ZNF69: variants seen among roughly 807,000 people sequenced by gnomAD.
ZNF69 encodes ZNF3.
A neutral mutation model predicts 50.9 loss-of-function variants in ZNF69; 47 were observed. That is an observed-to-expected ratio of 0.92 (90% CI 0.73 to 1.18). The LOEUF is 1.18. Among genes scored for constraint, ZNF69 ranks in the 50% most tolerant of loss-of-function variants. ZNF69 has a pLI of 0.00. For missense variants in ZNF69, 717 were observed against 675.1 expected (o/e 1.06, Z -0.69); for synonymous variants, 216 against 223.1 (o/e 0.97, Z 0.29).
intron 1 of ZNF69, among the ~76,000 whole-genome samples, chr19:11,901,705 A>C (rs1972247575): frequency 6.6e-6 from 1 of 151,936 alleles, no homozygotes; most frequent in Admixed American, 6.6e-5. Flanking sequence ...AGTGGTCTCA[A>C]ACTGCCGACC....
downstream of ZNF69, among the ~76,000 whole-genome samples, chr19:11,907,199 G>C (rs1171555697): frequency 6.6e-6 from 1 of 152,214 alleles, no homozygotes; most frequent in Non-Finnish European, 1.5e-5. Flanking sequence ...ATCTATGTCT[G>C]ATTGGTGTAC....
At chr19:11,949,301 C>T in the ZNF69 span, 1 of 1,613,892 alleles carries the variant, frequency 6.2e-7, no homozygotes, top group Non-Finnish European at 8.5e-7. Context: ...TGTGGGAAAG[C>T]CTTCAGATCT....
At chr19:11,963,086 AGAGT>A in the ZNF69 span, among the ~76,000 whole-genome samples, 5 of 138,454 alleles carry the variant, frequency 3.6e-5, no homozygotes, top group Admixed American at 2.8e-4. Context: ...AGAGAGAGAG[AGAGT>A]GTGTGTGTGT....
downstream of ZNF69, among the ~76,000 whole-genome samples, chr19:11,919,236 A>G (rs1486456706): frequency 6.6e-6 from 1 of 151,898 alleles, no homozygotes; most frequent in East Asian, 1.9e-4. Flanking sequence ...CTAGATAATT[A>G]CAATACTTTT....
At position 11,905,752 on chromosome 19, in the gene ZNF69, C is replaced by G. The variant is rs760449743; in HGVS notation, c.1355C>G (p.Ala452Gly). The change falls in exon 4 of 4, where the codon GCC becomes GGC. Residue 452 changes from alanine (A) to glycine (G), a missense_variant. By Grantham distance (60) the Ala-to-Gly change is moderately conservative. Transcript: ENST00000429654. ...KPYECQECGK[A>G]FRSMKNLQSH... ...TATGAATGTCAGGAATGTGGGAAAGCCTTCAGATCTATGAAGAACCTTCAA... is the reference window on the plus strand; with the variant it reads ...TATGAATGTCAGGAATGTGGGAAAGGCTTCAGATCTATGAAGAACCTTCAA... 1.2e-6 allele frequency: 2 copies of G among 1,613,458 alleles called. No individual in the cohort carries two copies. The highest frequency in any genetic ancestry group is 2.7e-5 in the African/African-American group (2 of 74,770).
chr19:11,952,081 A>G, the ZNF69 span, among the ~76,000 whole-genome samples: 2 of 152,168 alleles, frequency 1.3e-5, no homozygotes, highest in Non-Finnish European at 2.9e-5. Flanking sequence ...AGGCTGAGAC[A>G]GGAGAATCGC....
At chr19:11,913,710 G>A (rs1972492001) in exon 5 of ZNF69, 1 of 210,646 alleles carries the variant, frequency 4.7e-6, no homozygotes, top group South Asian at 1.8e-4. Flanking sequence ...TTTTCATTCA[G>A]TCATAATACC....
chr19:11,902,357 C>T (rs544338848), intron 1 of ZNF69, among the ~76,000 whole-genome samples: 1 of 152,184 alleles, frequency 6.6e-6, no homozygotes, highest in East Asian at 1.9e-4. Context: ...TCCATTTAGC[C>T]ATCAGTGGAT....
chr19:11,978,177 A>G, the ZNF69 span: 1 of 1,614,010 alleles, frequency 6.2e-7, no homozygotes, highest in Non-Finnish European at 8.5e-7. Flanking sequence ...AGAAACTTTT[A>G]CCCAGGTTCC....
chr19:11,892,114 G>A (rs764847395), intron 1 of ZNF69, among the ~76,000 whole-genome samples: 189 of 148,598 alleles, frequency 1.3e-3, no homozygotes, highest in Non-Finnish European at 1.7e-3. Context: ...GACTACAGTC[G>A]CCCACCAGCA....
the ZNF69 span, among the ~76,000 whole-genome samples, chr19:11,972,178 A>G: frequency 6.6e-6 from 1 of 152,118 alleles, no homozygotes; most frequent in Non-Finnish European, 1.5e-5. Flanking sequence ...CCAGCTACTC[A>G]GGAGGCTGAG....
chr19:11,909,141 A>G (rs1972421414), downstream of ZNF69, among the ~76,000 whole-genome samples: 1 of 152,200 alleles, frequency 6.6e-6, no homozygotes, highest in South Asian at 2.1e-4. Context: ...GAATCCCTGA[A>G]TAGACCAATA....
intron 1 of ZNF69, among the ~76,000 whole-genome samples, chr19:11,896,185 C>T (rs550226034): frequency 2.1e-5 from 3 of 143,132 alleles, no homozygotes; most frequent in African/African-American, 5.2e-5. Context: ...CACCATTGCT[C>T]TCCAGCCTTG....
the ZNF69 span, chr19:11,979,497 C>T: frequency 6.3e-6 from 10 of 1,592,698 alleles, no homozygotes; most frequent in East Asian, 4.5e-5. Context: ...TATTCTCCCA[C>T]GTCATTTCAA....
rs1972327764 is a variant in ZNF69, at chr19:11,904,835, A to G, written c.438A>G (p.Arg146=). The part of the protein sequence containing the change: ...LGNSSFNMNI[R]GDIGHKAYEY... The stretch of plus-strand genomic sequence containing the variant: ...ACTCATCTTTTAATATGAACATCAG[A>G]GGTGACATTGGACACAAGGCCTATG... Residue 146 remains arginine (R), a synonymous_variant, in exon 4 of 4, where the codon AGA becomes AGG. Coordinates refer to ENST00000429654, the MANE Select transcript of ZNF69 (RefSeq NM_001364730.1). 3.7e-6 allele frequency: 6 copies of G among 1,614,050 alleles called. No homozygotes were observed. In the South Asian group the frequency reaches 5.5e-5, roughly 15 times the overall value.
chr19:11,893,426 A>G lies in ZNF69; in HGVS notation c.63+5440A>G, dbSNP rs28673234. On this transcript the variant is annotated intron_variant, in intron 1 of 3. Coordinates refer to ENST00000429654, the MANE Select transcript of ZNF69 (RefSeq NM_001364730.1). Reference sequence around the variant, plus strand: ...CCCTCATACCACAGCCTGACTCTTCAAGGGCTTGCAGTGAAATCTGTGTCT... The same window carrying G: ...CCCTCATACCACAGCCTGACTCTTCGAGGGCTTGCAGTGAAATCTGTGTCT... Among the ~76,000 whole-genome samples, 356 of 152,292 alleles carry G rather than the reference A, an allele frequency of 2.3e-3. 1 individual carries two copies. Among genetic ancestry groups the G allele is most frequent in the African/African-American group, 8.1e-3 (337 of 41,572 alleles).
the ZNF69 span, among the ~76,000 whole-genome samples, chr19:11,974,147 TTTCTTTCTTTCCTTCCTTCCTTCCTTCC>T: frequency 8.1e-6 from 1 of 122,764 alleles, no homozygotes; most frequent in Non-Finnish European, 1.6e-5. Context: ...TCTTTCTTTC[TTTCTTTCTTTCCTTCCTTCCTTCCTTCC>T]TTCTTTCTTT....
At chr19:11,919,607 A>G in the ZNF69 span, among the ~76,000 whole-genome samples, 5 of 152,038 alleles carry the variant, frequency 3.3e-5, no homozygotes, top group Admixed American at 2.6e-4. Flanking sequence ...CAAAACTTAT[A>G]CTTGCAAGCC....
At chr19:11,949,777 ACT>A in the ZNF69 span, 1 of 1,613,258 alleles carries the variant, frequency 6.2e-7, no homozygotes, top group African/African-American at 1.3e-5. Context: ...GCATGAAAGG[ACT>A]CACACTGGAG....
Sources: allele counts gnomAD v4.1 joint callset (sites outside exome capture counted in the v4.1 genomes callset), GRCh38; gene constraint gnomAD v4.1.1; transcripts MANE v1.5; gene names NCBI Gene and HGNC (gene_info 2026-07-23, HGNC 2026-07-21).